Variants in CACNA1E observed in about 807,000 individuals in gnomAD.
The protein encoded by CACNA1E is voltage-dependent R-type calcium channel subunit alpha-1E.
Under a neutral mutation model 259.2 loss-of-function variants are expected in CACNA1E, and 40 were observed. The ratio of observed to expected loss-of-function variants is 0.15; its 90% CI spans 0.12 to 0.20. CACNA1E has a LOEUF of 0.20. Ranked by LOEUF, CACNA1E falls within the 10% of genes least tolerant of loss-of-function variation. CACNA1E has a pLI of 1.00. For synonymous variants in CACNA1E, 1,104 were observed against 1,138.5 expected (o/e 0.97, Z 0.61); for missense variants, 1,874 against 3,040.1 (o/e 0.62, Z 9.02).
intron 2 of CACNA1E, among the ~76,000 whole-genome samples, chr1:181,422,032 G>A (rs533693601): frequency 2.0e-5 from 3 of 152,282 alleles, no homozygotes; most frequent in East Asian, 1.9e-4. Context: ...GGCTATGCCT[G>A]TTTATGTCTC....
intron 2 of CACNA1E, among the ~76,000 whole-genome samples, chr1:181,426,459 T>C (rs1659212885): frequency 8.0e-6 from 1 of 125,172 alleles, no homozygotes; most frequent in Non-Finnish European, 1.6e-5. Context: ...CATGGCCCCA[T>C]CACAACTCAA....
chr1:181,323,490 G>A (rs980761490), intron 1 of CACNA1E, among the ~76,000 whole-genome samples: 1 of 152,090 alleles, frequency 6.6e-6, no homozygotes, highest in Non-Finnish European at 1.5e-5. Flanking sequence ...TCCCATGTTA[G>A]GATCATTGAC....
At chr1:181,615,767 G>A (rs564139176) in intron 6 of CACNA1E, among the ~76,000 whole-genome samples, 12 of 151,982 alleles carry the variant, frequency 7.9e-5, no homozygotes, top group African/African-American at 2.7e-4. Flanking sequence ...CTAGGACCTT[G>A]TTATAAATTA....
intron 2 of CACNA1E, among the ~76,000 whole-genome samples, chr1:181,472,657 C>T (rs1042562572): frequency 3.3e-5 from 5 of 152,338 alleles, no homozygotes; most frequent in African/African-American, 1.2e-4. Context: ...CAACATCATT[C>T]TGTGAGCTGG....
chr1:181,486,537 C>G (rs1334385355), intron 1 of CACNA1E, among the ~76,000 whole-genome samples: 1 of 152,206 alleles, frequency 6.6e-6, no homozygotes, highest in East Asian at 1.9e-4. Flanking sequence ...TATTGGGAGT[C>G]AGTCTGGGTA....
intron 2 of CACNA1E, among the ~76,000 whole-genome samples, chr1:181,442,270 A>ACACAGGTATGAGGGT (rs1558008125): frequency 1.1e-5 from 1 of 94,004 alleles, no homozygotes; most frequent in African/African-American, 6.1e-5. Flanking sequence ...GGTATGAGGG[A>ACACAGGTATGAGGGT]CACAGGTATG....
intron 1 of CACNA1E, among the ~76,000 whole-genome samples, chr1:181,329,664 G>C (rs1031110429): frequency 6.6e-6 from 1 of 152,192 alleles, no homozygotes; most frequent in African/African-American, 2.4e-5. Context: ...TCTTCAGTGA[G>C]ATCTTCTGTC....
At chr1:181,423,067 G>C (rs1658876543) in intron 2 of CACNA1E, among the ~76,000 whole-genome samples, 1 of 152,116 alleles carries the variant, frequency 6.6e-6, no homozygotes, top group African/African-American at 2.4e-5. Flanking sequence ...TATAAAAAAG[G>C]TTCATATCCA....
At chr1:181,516,449 A>T (rs1215164031) in intron 3 of CACNA1E, among the ~76,000 whole-genome samples, 15 of 147,552 alleles carry the variant, frequency 1.0e-4, no homozygotes, top group Non-Finnish European at 2.2e-4. Flanking sequence ...ACCCAGTCCC[A>T]TTTTACAGAT....
At chr1:181,440,613 C>G (rs1660395602) in intron 2 of CACNA1E, among the ~76,000 whole-genome samples, 1 of 151,990 alleles carries the variant, frequency 6.6e-6, no homozygotes, top group Non-Finnish European at 1.5e-5. Context: ...TGTGGGTGAC[C>G]AGAATGACAT....
At position 181,758,619 on chromosome 1, in the gene CACNA1E, G is replaced by A. The variant is rs993231288; in HGVS notation, c.4495-139G>A. The A allele has an allele frequency of 1.3e-4, 75 of 560,354 alleles. No homozygotes were observed. Among genetic ancestry groups the A allele is most frequent in the African/African-American group, 1.2e-3 (64 of 52,938 alleles). 34.7% of individuals were successfully genotyped at this position (560,354 alleles called of 1,614,324 possible). A position where few individuals can be genotyped will look rare whatever the true frequency, so the allele number is the denominator to read the frequency against. ...TATGTGGTTCTCCTCTCCAGCACTC[G>A]AAGTCCATCTCTCCTCCTGTACCAC... On this transcript the variant is annotated intron_variant, in intron 31 of 47. Coordinates refer to ENST00000367573, the MANE Select transcript of CACNA1E (RefSeq NM_001205293.3). The surrounding 1 kb of genome is among the most constrained non-coding windows in gnomAD (Gnocchi z 4.2).
intron 3 of CACNA1E, among the ~76,000 whole-genome samples, chr1:181,518,950 G>A (rs1666794715): frequency 6.6e-6 from 1 of 152,174 alleles, no homozygotes; most frequent in Non-Finnish European, 1.5e-5. Context: ...GGTTTGGTTT[G>A]GGACTTTATT....
intron 3 of CACNA1E, among the ~76,000 whole-genome samples, chr1:181,560,722 A>G (rs1649240742): frequency 6.6e-6 from 1 of 152,204 alleles, no homozygotes; most frequent in Non-Finnish European, 1.5e-5. Context: ...TGATTCAGCA[A>G]TTCCACTTCT....
chr1:181,489,121 A>G (rs1664093314), intron 1 of CACNA1E, among the ~76,000 whole-genome samples: 1 of 152,180 alleles, frequency 6.6e-6, no homozygotes, highest in Non-Finnish European at 1.5e-5. Context: ...ACCAAAGCCC[A>G]GATGTGCAAT....
In CACNA1E at chr1:181,807,903, C is replaced by G. The variant is rs946004879; in HGVS notation, c.*9069C>G. ...TATCACCATTGGAGTTAGAATCTGA[C>G]AACCTTTAACTTCACACTTTTATGA... On this transcript the variant is annotated 3_prime_UTR_variant, in exon 48 of 48. Coordinates refer to ENST00000367573, the MANE Select transcript of CACNA1E (RefSeq NM_001205293.3). The G allele has an allele frequency of 6.6e-6, 1 of 152,150 alleles. No homozygotes were observed. The highest frequency in any genetic ancestry group is 6.5e-5 in the Admixed American group (1 of 15,274). 9.4% of individuals were successfully genotyped at this position (152,150 alleles called of 1,614,324 possible).
rs1572936663 is a variant in CACNA1E, at chr1:181,803,649, A to C, written c.*4815A>C. On this transcript the variant is annotated 3_prime_UTR_variant, in exon 48 of 48. Coordinates refer to ENST00000367573, the MANE Select transcript of CACNA1E (RefSeq NM_001205293.3). ...TAGGTGCTACAGCCCACCCAGTCAGAGTACATAGACATAGCGCTTTAAGGG... is the reference window on the plus strand; with the variant it reads ...TAGGTGCTACAGCCCACCCAGTCAGCGTACATAGACATAGCGCTTTAAGGG... 6.6e-6 allele frequency: 1 copy of C among 152,230 alleles called. No individual in the cohort carries two copies. Among genetic ancestry groups the C allele is most frequent in the Middle Eastern group, 3.2e-3 (1 of 316 alleles). The allele number at this position is 152,230 out of a possible 1,614,324, so 9.4% of individuals were successfully genotyped here.
chr1:181,611,553 A>C (rs577539311), intron 6 of CACNA1E, among the ~76,000 whole-genome samples: 1 of 152,244 alleles, frequency 6.6e-6, no homozygotes, highest in Non-Finnish European at 1.5e-5. Context: ...GACAGTTGCC[A>C]TTCTTCCTCA....
rs1010159119 is a variant in CACNA1E, at chr1:181,783,864, G to A, written c.5470+80G>A. 7.8e-6 allele frequency: 7 copies of A among 892,298 alleles called. No homozygotes were observed. In the African/African-American group the frequency reaches 9.8e-5, roughly 12 times the overall value. The allele number at this position is 892,298 out of a possible 1,614,324, so 55.3% of individuals were successfully genotyped here. On this transcript the variant is annotated intron_variant, in intron 40 of 47. Transcript: ENST00000367573. Reference sequence around the variant, plus strand: ...CAGGTGGCACAGGATGGAGATATTTGAACTGTCATCTATCCAGTTAAGGAC... The same window carrying A: ...CAGGTGGCACAGGATGGAGATATTTAAACTGTCATCTATCCAGTTAAGGAC...
intron 3 of CACNA1E, 41 bp downstream of exon 3, chr1:181,511,551 G>A: frequency 6.2e-7 from 1 of 1,609,618 alleles, no homozygotes; most frequent in South Asian, 1.1e-5. Flanking sequence ...TGTGTATGAA[G>A]GGGGTTGGTA....
Sources: gnomAD v4.1 joint callset for allele counts (sites outside exome capture counted in the v4.1 genomes callset) on GRCh38, gnomAD v4.1.1 for gene constraint, Gnocchi (gnomAD v3.1) non-coding constraint, MANE v1.5 for transcripts, NCBI Gene and HGNC (gene_info 2026-07-23, HGNC 2026-07-21) for gene names.